TENT5D: variants seen among roughly 807,000 people sequenced by gnomAD.
The protein encoded by TENT5D is terminal nucleotidyltransferase 5D, also known as cancer/testis antigen 112.
For missense variants in TENT5D, 191 were observed against 287.0 expected (o/e 0.67, Z 2.42); for synonymous variants, 103 against 100.6 (o/e 1.02, Z -0.15).
chrX:80,350,560 T>C lies in TENT5D; in HGVS notation c.-142+7996T>C, dbSNP rs755807718. Among the ~76,000 whole-genome samples, 26 of 111,151 alleles carry C rather than the reference T, an allele frequency of 2.3e-4. 1 individual carries two copies. Among genetic ancestry groups the C allele is most frequent in the Admixed American group, 9.7e-5 (1 of 10,344 alleles). On this transcript the variant is annotated intron_variant, in intron 3 of 4. Transcript: ENST00000538312. The stretch of plus-strand genomic sequence containing the variant: ...TCTGTGTCTTTGCACGTGAGATGGG[T>C]CTCCTGAATATAGCACACCGATGGG...
chrX:80,417,962 G>A (rs938263752), upstream of TENT5D, among the ~76,000 whole-genome samples: 1 of 110,499 alleles, frequency 9.0e-6, no homozygotes, highest in Admixed American at 9.7e-5. Flanking sequence ...TGTAGACTTG[G>A]TCGCTTTACA....
intron 3 of TENT5D, among the ~76,000 whole-genome samples, chrX:80,386,323 G>T (rs752258080): frequency 9.1e-6 from 1 of 109,397 alleles, no homozygotes; most frequent in African/African-American, 3.3e-5. Context: ...TATCACAATG[G>T]CATGTTCTCA....
At chrX:80,418,067 C>T (rs1931811182), upstream of TENT5D, among the ~76,000 whole-genome samples, 1 of 111,292 alleles carries the variant, frequency 9.0e-6, no homozygotes, top group African/African-American at 3.3e-5. Flanking sequence ...AGTCTTTGAG[C>T]TCTGAGATTA....
chrX:80,352,036 C>A (rs945601194), intron 3 of TENT5D, among the ~76,000 whole-genome samples: 3 of 111,779 alleles, frequency 2.7e-5, no homozygotes, highest in African/African-American at 9.8e-5. Flanking sequence ...CCCAGAGGGG[C>A]ACCAGCCTGA....
exon 3 of TENT5D, chrX:80,444,532 A>C (rs1329888044): frequency 8.2e-6 from 1 of 122,411 alleles, no homozygotes; most frequent in Non-Finnish European, 1.9e-5. Flanking sequence ...ATCATCTACT[A>C]CAAAGAGACT....
chrX:80,399,936 A>G (rs1931360695), intron 3 of TENT5D, among the ~76,000 whole-genome samples: 1 of 111,956 alleles, frequency 8.9e-6, no homozygotes, highest in African/African-American at 3.3e-5. Flanking sequence ...CCAGAGAGAC[A>G]GAAGCAATAA....
intron 3 of TENT5D, among the ~76,000 whole-genome samples, chrX:80,413,960 G>C (rs1285183649): frequency 8.9e-6 from 1 of 112,412 alleles, no homozygotes; most frequent in Non-Finnish European, 1.9e-5. Context: ...CCAGTGGTAA[G>C]GAGAAATGAA....
At chrX:80,353,906 G>A (rs1930233539) in intron 3 of TENT5D, among the ~76,000 whole-genome samples, 1 of 111,926 alleles carries the variant, frequency 8.9e-6, no homozygotes, top group Admixed American at 9.5e-5. Flanking sequence ...GAGTGTACAA[G>A]CATTCCCTTG....
At chrX:80,414,642 T>C (rs769227118) in intron 3 of TENT5D, among the ~76,000 whole-genome samples, 33 of 112,129 alleles carry the variant, frequency 2.9e-4, no homozygotes, top group Admixed American at 5.7e-4. Flanking sequence ...TAGAAGTAGA[T>C]AAGAGACAAA....
rs1447139773 is a variant in TENT5D at position 80,391,408 on chromosome X, A to G, written c.-141-47202A>G. ...AATGATCTTACATTATATACTTTAA[A>G]CTAAATAATATTCTGCTACTTTTTA... On this transcript the variant is annotated intron_variant, in intron 3 of 4. Transcript: ENST00000538312. Among the ~76,000 whole-genome samples the G allele has an allele frequency of 3.6e-5, 4 of 112,124 alleles. No homozygotes were observed. The Admixed American group carries it at 3.8e-4, about 11-fold the overall frequency.
chrX:80,346,386 C>T (rs1441594639), intron 3 of TENT5D, among the ~76,000 whole-genome samples: 1 of 112,064 alleles, frequency 8.9e-6, no homozygotes, highest in African/African-American at 3.2e-5. Flanking sequence ...ATGTGATAAG[C>T]GTGCTTAACT....
chrX:80,388,265 G>A (rs981593078), intron 3 of TENT5D, among the ~76,000 whole-genome samples: 3 of 111,050 alleles, frequency 2.7e-5, no homozygotes, highest in Non-Finnish European at 1.9e-5. Context: ...GCAAAACAAA[G>A]TCCCCTTTGC....
intron 3 of TENT5D, among the ~76,000 whole-genome samples, chrX:80,412,430 T>G (rs1931690074): frequency 8.9e-6 from 1 of 112,743 alleles, no homozygotes; most frequent in African/African-American, 3.2e-5. Flanking sequence ...CCTGAATTTC[T>G]TCTCAAAAAA....
At chrX:80,352,999 C>T (rs1930217277) in intron 3 of TENT5D, among the ~76,000 whole-genome samples, 1 of 111,691 alleles carries the variant, frequency 9.0e-6, no homozygotes, top group African/African-American at 3.3e-5. Flanking sequence ...CCTCCGTGGG[C>T]TGCACCCACT....
chrX:80,424,655 A>G (rs1430755006), intron 1 of TENT5D, among the ~76,000 whole-genome samples: 2 of 112,474 alleles, frequency 1.8e-5, no homozygotes, highest in Admixed American at 1.9e-4. Context: ...TAACTTTTGA[A>G]ACATAATTTT....
At chrX:80,339,517 A>T (rs1929916669) in intron 2 of TENT5D, among the ~76,000 whole-genome samples, 2 of 111,318 alleles carry the variant, frequency 1.8e-5, no homozygotes, top group East Asian at 5.6e-4. Context: ...ACAAGTAAAA[A>T]GATTAGAGCT....
chrX:80,368,381 C>T (rs1284385521), intron 3 of TENT5D, among the ~76,000 whole-genome samples: 1 of 111,490 alleles, frequency 9.0e-6, no homozygotes, highest in East Asian at 2.8e-4. Context: ...TTATTGGCCA[C>T]TCCGCACTGC....
chrX:80,383,280 CTG>C (rs1930914940), intron 3 of TENT5D, among the ~76,000 whole-genome samples: 2 of 111,956 alleles, frequency 1.8e-5, no homozygotes, highest in African/African-American at 6.5e-5. Flanking sequence ...GCAGCAAACT[CTG>C]TGATGCTTCA....
chrX:80,345,203 T>C (rs932543368), intron 3 of TENT5D, among the ~76,000 whole-genome samples: 1 of 111,600 alleles, frequency 9.0e-6, no homozygotes, highest in Non-Finnish European at 1.9e-5. Flanking sequence ...ATATGTCTAG[T>C]TTTTCTTGCT....
Sources: gnomAD v4.1 joint callset for allele counts (sites outside exome capture counted in the v4.1 genomes callset) on GRCh38, gnomAD v4.1.1 for gene constraint, MANE v1.5 for transcripts, NCBI Gene and HGNC (gene_info 2026-07-23, HGNC 2026-07-21) for gene names.